PPP1R14D: variants seen among roughly 807,000 people sequenced by gnomAD.
PPP1R14D encodes protein phosphatase 1 regulatory inhibitor subunit 14D.
A neutral mutation model predicts 17.1 loss-of-function variants in PPP1R14D; 14 were observed. The ratio of observed to expected loss-of-function variants is 0.82; its 90% CI spans 0.54 to 1.28. PPP1R14D has a LOEUF of 1.28. PPP1R14D is among the 50% of genes most tolerant of loss of function. The pLI, the probability that PPP1R14D is intolerant of heterozygous loss-of-function variation, is 0.00. For missense variants in PPP1R14D, 173 were observed against 179.2 expected, an observed-to-expected ratio of 0.97 and a Z score of 0.20; for synonymous variants, 67 against 66.1, an observed-to-expected ratio of 1.01 and a Z score of -0.06.
At chr15:40,816,962 T>C (rs1324561525) in intron 1 of PPP1R14D, among the ~76,000 whole-genome samples, 1 of 150,496 alleles carries the variant, frequency 6.6e-6, no homozygotes, top group African/African-American at 2.4e-5. Context: ...ATCCCAGCTA[T>C]TCAGGAGGCT....
intron 1 of PPP1R14D, among the ~76,000 whole-genome samples, chr15:40,823,707 C>G (rs1218537319): frequency 6.6e-6 from 1 of 152,094 alleles, no homozygotes; most frequent in Non-Finnish European, 1.5e-5. Flanking sequence ...CACCATATAG[C>G]CTACATGTGT....
At chr15:40,828,255 T>G (rs1890903923) in intron 1 of PPP1R14D, 132 bp downstream of exon 1, 1 of 1,237,066 alleles carries the variant, frequency 8.1e-7, no homozygotes, top group African/African-American at 1.5e-5. Context: ...GATGCTTCTT[T>G]CTTTCATCAG....
Position 40,815,571 on chromosome 15 carries a change from G to T in PPP1R14D, c.*125C>A, listed in dbSNP as rs1890641638. 8.3e-7 allele frequency: 1 copy of T among 1,207,416 alleles called. No individual in the cohort carries two copies. Among genetic ancestry groups the T allele is most frequent in the Non-Finnish European group, 1.2e-6 (1 of 863,786 alleles). The allele number at this position is 1,207,416 out of a possible 1,614,324, so 74.8% of individuals were successfully genotyped here. A position where few individuals can be genotyped will look rare whatever the true frequency, so the allele number is the denominator to read the frequency against. Reference sequence around the variant, plus strand: ...GTGACCACACAGACAGTAGGAGTATGCAAATGTCCCTCCTTGTCCACATTT... The same window carrying T: ...GTGACCACACAGACAGTAGGAGTATTCAAATGTCCCTCCTTGTCCACATTT... On this transcript the variant is annotated 3_prime_UTR_variant, in exon 4 of 4. Transcript: ENST00000299174.
At chr15:40,828,309 C>T in intron 1 of PPP1R14D, 78 bp downstream of exon 1, 1 of 1,492,070 alleles carries the variant, frequency 6.7e-7, no homozygotes, top group Non-Finnish European at 9.0e-7. Context: ...CATCAGCCCT[C>T]CAGCTCCTGT....
intron 1 of PPP1R14D, among the ~76,000 whole-genome samples, chr15:40,821,682 C>G (rs1449844481): frequency 6.6e-6 from 1 of 151,842 alleles, no homozygotes; most frequent in East Asian, 1.9e-4. Context: ...AATCCCAGCA[C>G]TCTGGGAGGC....
Position 40,815,781 on chromosome 15 carries a change from G to A in PPP1R14D, c.373-20C>T, listed in dbSNP as rs778143776. 4 of 1,593,846 alleles carry A rather than the reference G, an allele frequency of 2.5e-6. No homozygotes were observed. Among genetic ancestry groups the A allele is most frequent in the Non-Finnish European group, 3.4e-6 (4 of 1,165,598 alleles). ...AAAAGCCTGAGGGAGAAACAGGAGT[G>A]AGACCAGGCTTGGGGTCACAATTCA... On this transcript the variant is annotated intron_variant, in intron 3 of 3. Transcript: ENST00000299174.
At chr15:40,823,211 A>G (rs1890811980) in intron 1 of PPP1R14D, among the ~76,000 whole-genome samples, 1 of 151,718 alleles carries the variant, frequency 6.6e-6, no homozygotes, top group South Asian at 2.1e-4. Flanking sequence ...TGATCCGTCC[A>G]CTTCAGCCTC....
At chr15:40,817,880 TGGGATTACA>T (rs921331324) in intron 1 of PPP1R14D, among the ~76,000 whole-genome samples, 1 of 151,984 alleles carries the variant, frequency 6.6e-6, no homozygotes, top group African/African-American at 2.4e-5. Flanking sequence ...CCCAAAGCAC[TGGGATTACA>T]GGCGTAAGCA....
At chr15:40,821,361 TG>T (rs564120444) in intron 1 of PPP1R14D, among the ~76,000 whole-genome samples, 1 of 150,484 alleles carries the variant, frequency 6.6e-6, no homozygotes, top group South Asian at 2.1e-4. Context: ...CAAAACCAAA[TG>T]GAGCACCTAG....
intron 1 of PPP1R14D, among the ~76,000 whole-genome samples, chr15:40,819,145 A>G (rs1421074717): frequency 6.6e-6 from 1 of 152,168 alleles, no homozygotes; most frequent in African/African-American, 2.4e-5. Flanking sequence ...GATGAAGAGG[A>G]CTTTCTTAAG....
rs781053974 is a variant in PPP1R14D at position 40,816,246 on chromosome 15, G to T, written c.263C>A (p.Ala88Glu). 139 of 1,613,918 alleles carry T rather than the reference G, an allele frequency of 8.6e-5. No homozygotes were observed. The highest frequency in any genetic ancestry group is 1.2e-4 in the Non-Finnish European group (138 of 1,179,914). Residue 88 changes from alanine to glutamate, a missense_variant, in exon 2 of 4, where the codon GCA becomes GAA. Coordinates refer to ENST00000299174, the MANE Select transcript of PPP1R14D (RefSeq NM_017726.8). Reference protein sequence around the residue: ...AQVQELFQDQATPSEPEIDLE... With the variant: ...AQVQELFQDQETPSEPEIDLE... ...GTCAATCTCAGGCTCAGAAGGGGTT[G>T]CTTGATCCTATTTGGAAATCACATG...
At chr15:40,817,151 GT>G (rs1890684951) in intron 1 of PPP1R14D, 1 of 174,394 alleles carries the variant, frequency 5.7e-6, no homozygotes. Context: ...GAGGTCAGGA[GT>G]TCTAGACCAG....
chr15:40,819,426 G>A (rs1315726198), intron 1 of PPP1R14D, among the ~76,000 whole-genome samples: 1 of 151,748 alleles, frequency 6.6e-6, no homozygotes, highest in Non-Finnish European at 1.5e-5. Flanking sequence ...CCGTGTGCCT[G>A]TAATCCCAGC....
intron 1 of PPP1R14D, among the ~76,000 whole-genome samples, chr15:40,822,429 G>A (rs898497302): frequency 4.0e-5 from 6 of 151,434 alleles, no homozygotes; most frequent in Admixed American, 6.6e-5. Context: ...CAGGAGGATC[G>A]CTTGAGGTCA....
At chr15:40,817,612 C>CTT (rs34000020) in intron 1 of PPP1R14D, among the ~76,000 whole-genome samples, 2,288 of 124,186 alleles carry the variant, frequency 0.018, 36 homozygotes, top group South Asian at 0.053. Flanking sequence ...CAAAACTAAA[C>CTT]TTTTTTTTTT....
intron 1 of PPP1R14D, among the ~76,000 whole-genome samples, chr15:40,818,636 C>G (rs1566842111): frequency 2.6e-5 from 4 of 152,226 alleles, no homozygotes; most frequent in Middle Eastern, 3.4e-3. Context: ...CTCTATGATC[C>G]CAACAGTAAG....
chr15:40,823,290 G>T (rs1043258246), intron 1 of PPP1R14D, among the ~76,000 whole-genome samples: 1 of 151,386 alleles, frequency 6.6e-6, no homozygotes, highest in Non-Finnish European at 1.5e-5. Context: ...AAATTTTTTT[G>T]TTGAGTGGGG....
intron 1 of PPP1R14D, among the ~76,000 whole-genome samples, chr15:40,823,558 T>C (rs1335928536): frequency 1.3e-5 from 2 of 152,214 alleles, no homozygotes; most frequent in Non-Finnish European, 2.9e-5. Flanking sequence ...AGTTGTGCCA[T>C]TTAAAATCTT....
chr15:40,821,809 C>A (rs1343324961), intron 1 of PPP1R14D, among the ~76,000 whole-genome samples: 1 of 151,794 alleles, frequency 6.6e-6, no homozygotes, highest in Non-Finnish European at 1.5e-5. Context: ...ATGCCTGTAA[C>A]CCCAGCTACT....
Sources: gnomAD v4.1 joint callset for allele counts (sites outside exome capture counted in the v4.1 genomes callset) on GRCh38, gnomAD v4.1.1 for gene constraint, MANE v1.5 for transcripts, NCBI Gene and HGNC (gene_info 2026-07-23, HGNC 2026-07-21) for gene names.